Variants in EMSY observed in about 807,000 individuals in gnomAD.
EMSY encodes the protein EMSY transcriptional repressor, BRCA2 interacting, also known as BRCA2-interacting transcriptional repressor EMSY.
A neutral mutation model predicts 134.6 loss-of-function variants in EMSY; 26 were observed. That is an observed-to-expected ratio of 0.19 (90% CI 0.14 to 0.27). The LOEUF is 0.27. Among genes scored for constraint, EMSY ranks in the 10% least tolerant of loss-of-function variants. The pLI is 1.00. For missense variants in EMSY, 1,305 were observed against 1,611.4 expected, an observed-to-expected ratio of 0.81 and a Z score of 3.26; for synonymous variants, 579 against 577.8, an observed-to-expected ratio of 1.00 and a Z score of -0.03.
chr11:76,516,101 A>G, intron 10 of EMSY, 41 bp from the exon 12 acceptor site: 2 of 1,521,952 alleles, frequency 1.3e-6, no homozygotes, highest in Non-Finnish European at 1.8e-6. Context: ...TTCTTCTGTA[A>G]GCAATGACAA....
intron 15 of EMSY, among the ~76,000 whole-genome samples, chr11:76,536,618 A>G (rs17811689): frequency 0.032 from 4,854 of 152,344 alleles, 108 homozygotes; most frequent in Middle Eastern, 0.048. Flanking sequence ...ACTAGATCCT[A>G]TAAGTATTTC....
At chr11:76,550,484 T>A (rs1951806469) in exon 21 of EMSY, 1 of 188,652 alleles carries the variant, frequency 5.3e-6, no homozygotes. Context: ...TCTCAACTGG[T>A]TTCTACTGAG....
chr11:76,478,686 A>G (rs1948860094), intron 8 of EMSY, among the ~76,000 whole-genome samples: 1 of 151,898 alleles, frequency 6.6e-6, no homozygotes, highest in Admixed American at 6.6e-5. Context: ...TTCATATTCT[A>G]TTTGGTAGCA....
At chr11:76,515,010 G>A (rs1409707441) in intron 10 of EMSY, among the ~76,000 whole-genome samples, 1 of 148,776 alleles carries the variant, frequency 6.7e-6, no homozygotes, top group Non-Finnish European at 1.5e-5. Context: ...TTTTCCAGAT[G>A]TAATTTGCCA....
downstream of EMSY, chr11:76,551,925 T>C (rs1951845515): frequency 6.6e-6 from 1 of 152,166 alleles, no homozygotes; most frequent in South Asian, 2.1e-4. Context: ...ATCTTTTAAA[T>C]ATTCATGGAT....
intron 4 of EMSY, 111 bp downstream of exon 4, chr11:76,453,499 T>C: frequency 1.1e-6 from 1 of 933,034 alleles, no homozygotes; most frequent in Non-Finnish European, 1.6e-6. Context: ...TAACAATATC[T>C]CTATACTCAG....
intron 7 of EMSY, among the ~76,000 whole-genome samples, chr11:76,468,839 A>G (rs1948461744): frequency 6.6e-6 from 1 of 151,918 alleles, no homozygotes; most frequent in Admixed American, 6.6e-5. Context: ...GATATTTTTC[A>G]TTTTGTCCTT....
chr11:76,518,513 CT>C (rs1250670750), intron 11 of EMSY, among the ~76,000 whole-genome samples: 3 of 151,288 alleles, frequency 2.0e-5, no homozygotes, highest in Non-Finnish European at 2.9e-5. Context: ...GACTAGAAGG[CT>C]TTAAAAAAGA....
chr11:76,531,432 G>A (rs979989687), intron 14 of EMSY, among the ~76,000 whole-genome samples: 6 of 152,124 alleles, frequency 3.9e-5, no homozygotes, highest in East Asian at 1.9e-4. Flanking sequence ...TTTGAAGAGT[G>A]TAGGTCAGTT....
At chr11:76,529,851 A>G (rs977362635) in intron 14 of EMSY, among the ~76,000 whole-genome samples, 1 of 152,204 alleles carries the variant, frequency 6.6e-6, no homozygotes, top group Non-Finnish European at 1.5e-5. Context: ...ATCATTCTGT[A>G]TTGATTATGA....
intron 10 of EMSY, among the ~76,000 whole-genome samples, chr11:76,515,930 T>C (rs1319223987): frequency 6.6e-6 from 1 of 152,244 alleles, no homozygotes; most frequent in Admixed American, 6.5e-5. Flanking sequence ...CAAAATTTTA[T>C]GTGTAAAATT....
chr11:76,492,640 C>T (rs1174028499), intron 8 of EMSY, among the ~76,000 whole-genome samples: 1 of 152,152 alleles, frequency 6.6e-6, no homozygotes, highest in South Asian at 2.1e-4. Flanking sequence ...GGGGAGGCAT[C>T]GCCAGGGCTG....
intron 8 of EMSY, among the ~76,000 whole-genome samples, chr11:76,494,851 T>A (rs1383815202): frequency 6.6e-6 from 1 of 152,144 alleles, no homozygotes; most frequent in Admixed American, 6.5e-5. Context: ...TTCTCCTGCC[T>A]CACCTTCCCG....
exon 21 of EMSY, chr11:76,551,028 A>T (rs1282195710): frequency 6.5e-6 from 1 of 152,812 alleles, no homozygotes; most frequent in Non-Finnish European, 1.5e-5. Context: ...TTATTCATTC[A>T]TATGATGCTT....
downstream of EMSY, chr11:76,552,931 C>T (rs548268673): frequency 1.3e-5 from 2 of 152,258 alleles, no homozygotes; most frequent in East Asian, 3.9e-4. Flanking sequence ...TTTCACTTAG[C>T]GTATTTTCAA....
chr11:76,445,781 G>A (rs1947359056), intron 1 of EMSY, among the ~76,000 whole-genome samples: 1 of 152,190 alleles, frequency 6.6e-6, no homozygotes, highest in Non-Finnish European at 1.5e-5. Flanking sequence ...CTGTCGGGAG[G>A]CGGGGACTGG....
chr11:76,502,366 T>C (rs1340803823), intron 9 of EMSY, among the ~76,000 whole-genome samples: 1 of 144,982 alleles, frequency 6.9e-6, no homozygotes, highest in Non-Finnish European at 1.5e-5. Context: ...ACATGATCCT[T>C]TATATTATTT....
At chr11:76,465,447 T>C (rs2135211744) in intron 7 of EMSY, among the ~76,000 whole-genome samples, 1 of 152,282 alleles carries the variant, frequency 6.6e-6, no homozygotes, top group African/African-American at 2.4e-5. Flanking sequence ...CATGAAATAA[T>C]ATATGAAAAA....
chr11:76,453,100 A>T (rs1174597615), intron 3 of EMSY, among the ~76,000 whole-genome samples: 2 of 152,208 alleles, frequency 1.3e-5, no homozygotes, highest in Non-Finnish European at 2.9e-5. Context: ...CTAATTTGCA[A>T]CTAAATATTT....
Sources: allele counts gnomAD v4.1 joint callset (sites outside exome capture counted in the v4.1 genomes callset), GRCh38; gene constraint gnomAD v4.1.1; transcripts MANE v1.5; gene names NCBI Gene and HGNC (gene_info 2026-07-23, HGNC 2026-07-21).